The following PALB2 variants were observed in gnomAD, a reference collection of about 807,000 sequenced individuals.
The protein encoded by PALB2 is mutant partner and localizer of BRCA2.
Under a neutral mutation model 107.4 loss-of-function variants are expected in PALB2, and 82 were observed. The ratio of observed to expected loss-of-function variants is 0.76; its 90% CI spans 0.64 to 0.92. The LOEUF (loss-of-function observed/expected upper bound fraction) is 0.92, where lower values mean the gene tolerates loss of function less well. Ranked by LOEUF, PALB2 falls within the 40% of genes least tolerant of loss-of-function variation. PALB2 has a pLI of 0.00. For missense variants in PALB2, 1,374 were observed against 1,379.9 expected, an observed-to-expected ratio of 1.00 and a Z score of 0.07; for synonymous variants, 489 against 496.8, an observed-to-expected ratio of 0.98 and a Z score of 0.21.
chr16:23,635,115 G>A lies in PALB2; in HGVS notation c.1431C>T (p.Thr477=), dbSNP rs515726068. 2.5e-5 allele frequency: 40 copies of A among 1,614,134 alleles called. No individual in the cohort carries two copies. Among genetic ancestry groups the A allele is most frequent in the African/African-American group, 1.3e-4 (10 of 75,020 alleles). ...GTCTGQPSSR[T]SQKLLSLTKV... is the part of the protein sequence containing the mutation. ...TAGTTAATGAGAGAAGTTTCTGAGA[G>A]GTTCTTGAACTTGGTTGTCCTGTGC... The change falls in exon 4 of 13, where the codon ACC becomes ACT. Residue 477 remains threonine, a synonymous_variant. Transcript: ENST00000261584.
chr16:23,640,553 A>C, intron 1 of PALB2: 1 of 230,836 alleles, frequency 4.3e-6, no homozygotes, highest in East Asian at 6.2e-5. Flanking sequence ...AAACGAGGGC[A>C]CTTCCAAACT....
At chr16:23,613,872 A>G (rs947723894) in intron 11 of PALB2, 132 bp downstream of exon 11, 6 of 708,170 alleles carry the variant, frequency 8.5e-6, no homozygotes, top group Non-Finnish European at 1.5e-5. Flanking sequence ...TCAAGAAAGG[A>G]CAAACATTGC....
At chr16:23,639,989 G>A (rs1444295930) in intron 1 of PALB2, among the ~76,000 whole-genome samples, 1 of 152,028 alleles carries the variant, frequency 6.6e-6, no homozygotes, top group Non-Finnish European at 1.5e-5. Context: ...TGGTTCAAGC[G>A]ATTCTCGTGC....
chr16:23,622,792 G>A (rs1597080880), intron 9 of PALB2, among the ~76,000 whole-genome samples, 177 bp downstream of exon 9: 2 of 152,268 alleles, frequency 1.3e-5, no homozygotes, highest in African/African-American at 4.8e-5. Context: ...TCCCTGACAT[G>A]TCTGGCTTCC....
rs864622280 is a variant in PALB2 at position 23,636,005 on chromosome 16, C to G, written c.541G>C (p.Glu181Gln). Residue 181 changes from glutamate to glutamine, a missense_variant, in exon 4 of 13, where the codon GAA becomes CAA. Glu to Gln is a conservative substitution (Grantham distance 29). Transcript: ENST00000261584. ...CTAGCAGGATTTTTGCTACTGATTT[C>G]TTCCTGTTCCTTTAGTCTTTTCCCA... ...LSGKRLKEQE[E>Q]ISSKNPARSP... 5 of 1,614,112 alleles carry G rather than the reference C, an allele frequency of 3.1e-6. No homozygotes were observed. The South Asian group carries it at 5.5e-5, about 18-fold the overall frequency.
At position 23,629,711 on chromosome 16, in the gene PALB2, A is replaced by T. The variant is rs746802428; in HGVS notation, c.2443T>A (p.Ser815Thr). ...VPPGTPPPIE[S>T]FTFKENQLCR... ...AGCTGATTTTCTTTAAAAGTGAATG[A>T]CTCAATGGGTGGAGGTGTTCCTGGC... is the stretch of plus-strand genomic sequence containing the variant. The change falls in exon 5 of 13, where the codon TCA becomes ACA. Residue 815 changes from serine (S) to threonine (T), a missense_variant. Physicochemically the swap from Ser to Thr is moderately conservative, Grantham distance 58. Transcript: ENST00000261584. The T allele has an allele frequency of 6.2e-7, 1 of 1,613,988 alleles. No homozygotes were observed. The highest frequency in any genetic ancestry group is 8.5e-7 in the Non-Finnish European group (1 of 1,180,006).
intron 10 of PALB2, among the ~76,000 whole-genome samples, chr16:23,618,003 GAA>G (rs1311994343): frequency 1.3e-5 from 2 of 151,942 alleles, no homozygotes; most frequent in East Asian, 3.9e-4. Context: ...CAAAGAAAAA[GAA>G]AAAGAAAAAT....
At chr16:23,625,834 A>T (rs1966841530) in intron 7 of PALB2, among the ~76,000 whole-genome samples, 1 of 151,860 alleles carries the variant, frequency 6.6e-6, no homozygotes, top group Non-Finnish European at 1.5e-5. Flanking sequence ...ATAAAAAATT[A>T]GCCAGACATG....
Position 23,635,975 on chromosome 16 carries a change from G to T in PALB2, c.571C>A (p.Pro191Thr), listed in dbSNP as rs587780221. The T allele has an allele frequency of 6.2e-7, 1 of 1,614,090 alleles. No individual in the cohort carries two copies. The highest frequency in any genetic ancestry group is 8.5e-7 in the Non-Finnish European group (1 of 1,180,028). ...AGGTGAGTTCTTATTTCAGTTACTGGTGATCTAGCAGGATTTTTGCTACTG... is the reference window on the plus strand; with the variant it reads ...AGGTGAGTTCTTATTTCAGTTACTGTTGATCTAGCAGGATTTTTGCTACTG... ...EISSKNPARS[P>T]VTEIRTHLLS... Residue 191 changes from proline (P) to threonine (T), a missense_variant, in exon 4 of 13, where the codon CCA becomes ACA. Physicochemically the swap from Pro to Thr is conservative, Grantham distance 38. Coordinates refer to ENST00000261584, the MANE Select transcript of PALB2 (RefSeq NM_024675.4).
intron 10 of PALB2, among the ~76,000 whole-genome samples, 200 bp from the exon 11 acceptor site, chr16:23,614,291 C>T (rs901638067): frequency 6.6e-6 from 1 of 152,146 alleles, no homozygotes; most frequent in Non-Finnish European, 1.5e-5. Context: ...GATAGTTCAG[C>T]CTTAGATTAA....
At chr16:23,631,719 C>A (rs984213600) in intron 4 of PALB2, among the ~76,000 whole-genome samples, 3 of 152,210 alleles carry the variant, frequency 2.0e-5, no homozygotes, top group African/African-American at 4.8e-5. Flanking sequence ...CTAAAAATAC[C>A]TACATTCTTT....
intron 4 of PALB2, among the ~76,000 whole-genome samples, chr16:23,630,675 A>C (rs1966869140): frequency 6.6e-6 from 1 of 152,232 alleles, no homozygotes; most frequent in African/African-American, 2.4e-5. Flanking sequence ...TACCCAACAA[A>C]GAGTGAGCTT....
chr16:23,604,940 G>A lies in PALB2; in HGVS notation c.3351-1271C>T, dbSNP rs1044378749. Among the ~76,000 whole-genome samples the A allele has an allele frequency of 4.3e-4, 65 of 151,974 alleles. 3 individuals carry two copies. Among genetic ancestry groups the A allele is most frequent in the Non-Finnish European group, 1.0e-4 (7 of 68,016 alleles). On this transcript the variant is annotated intron_variant, in intron 12 of 12. Transcript: ENST00000261584. ...AATACAAAAATTAGCTGGGCATGGT[G>A]GCACGTGCCTGTAATCCCAGCTACT...
chr16:23,629,036 G>A (rs1231583868), intron 6 of PALB2, among the ~76,000 whole-genome samples, 168 bp downstream of exon 6: 1 of 152,202 alleles, frequency 6.6e-6, no homozygotes, highest in African/African-American at 2.4e-5. Context: ...AACATAAACA[G>A]AGGTAAATAT....
Position 23,635,787 on chromosome 16 carries a change from T to C in PALB2, c.759A>G (p.Leu253=), listed in dbSNP as rs367842489. The part of the protein sequence containing the change: ...TRATTVPLQT[L]SDSGSSQHLE... ...GGTGCTGACTACTACCGCTATCTGA[T>C]AGAGTCTGTAAAGGAACTGTAGTCG... Residue 253 remains leucine, a synonymous_variant, in exon 4 of 13, where the codon CTA becomes CTG. Transcript: ENST00000261584. 1 of 1,614,180 alleles carries C rather than the reference T, an allele frequency of 6.2e-7. No individual in the cohort carries two copies. The highest frequency in any genetic ancestry group is 8.5e-7 in the Non-Finnish European group (1 of 1,180,004).
chr16:23,608,799 T>TACACACACACACACAC (rs1309453906), intron 11 of PALB2, among the ~76,000 whole-genome samples: 114 of 115,070 alleles, frequency 9.9e-4, no homozygotes, highest in Non-Finnish European at 1.6e-3. Flanking sequence ...TGTGTATATA[T>TACACACACACACACAC]ATACACACAC....
chr16:23,606,670 C>T (rs1188904044), intron 12 of PALB2, among the ~76,000 whole-genome samples: 1 of 150,854 alleles, frequency 6.6e-6, no homozygotes, highest in African/African-American at 2.4e-5. Flanking sequence ...GGATTACAGG[C>T]ACGCACTACC....
At chr16:23,622,440 G>T (rs1966789639) in intron 9 of PALB2, among the ~76,000 whole-genome samples, 1 of 152,084 alleles carries the variant, frequency 6.6e-6, no homozygotes, top group Non-Finnish European at 1.5e-5. Context: ...TGCTGCCCAA[G>T]ATGGAGTGTG....
rs748363227 is a variant in PALB2 at position 23,603,588 on chromosome 16, G to A, written c.3432C>T (p.Leu1144=). Residue 1144 remains leucine (L), a synonymous_variant, in exon 13 of 13, where the codon CTC becomes CTT. Coordinates refer to ENST00000261584, the MANE Select transcript of PALB2 (RefSeq NM_024675.4). ...GTGGGAGGAGGGCAGTACACTGACC[G>A]AGAAGTAAGTCCCAAATGGCAATTG... ...SGTIAIWDLL[L]GQCTALLPPV... is the part of the protein sequence containing the mutation. 26 of 1,613,974 alleles carry A rather than the reference G, an allele frequency of 1.6e-5. No individual in the cohort carries two copies. The highest frequency in any genetic ancestry group is 5.0e-5 in the Admixed American group (3 of 59,988).
Sources: gnomAD v4.1 joint callset for allele counts (sites outside exome capture counted in the v4.1 genomes callset) on GRCh38, gnomAD v4.1.1 for gene constraint, MANE v1.5 for transcripts, NCBI Gene and HGNC (gene_info 2026-07-23, HGNC 2026-07-21) for gene names.